The following CLC variants were observed in gnomAD, a reference collection of about 807,000 sequenced individuals.
CLC encodes Charcot-Leyden crystal galectin, also known as galectin-10.
Under a neutral mutation model 13.9 loss-of-function variants are expected in CLC, and 15 were observed. The ratio of observed to expected loss-of-function variants is 1.08; its 90% confidence interval spans 0.72 to 1.66. CLC has a LOEUF of 1.66. CLC is among the 40% of genes most tolerant of loss of function. The pLI, the probability that CLC is intolerant of heterozygous loss-of-function variation, is 0.00. For missense variants in CLC, 161 were observed against 169.1 expected, an observed-to-expected ratio of 0.95 and a Z score of 0.27; for synonymous variants, 68 against 59.9, an observed-to-expected ratio of 1.14 and a Z score of -0.63.
In CLC at chr19:39,735,154, C is replaced by T. The variant is rs573979459; in HGVS notation, c.16-81G>A. The T allele has an allele frequency of 5.3e-6, 5 of 951,362 alleles. No homozygotes were observed. The South Asian group carries it at 5.3e-5, about 10-fold the overall frequency. The allele number at this position is 951,362 out of a possible 1,614,324, so 58.9% of individuals were successfully genotyped here. ...CTGTAACAGATTCCCATGGTGCAGC[C>T]AGTTAGAGATCAAGCAGTAGACTCA... is the stretch of plus-strand genomic sequence containing the variant. On this transcript the variant is annotated intron_variant, in intron 1 of 3. Coordinates refer to ENST00000221804, the MANE Select transcript of CLC (RefSeq NM_001828.6).
In CLC at chr19:39,731,358, T is replaced by A. The variant is rs865947616; in HGVS notation, c.*22A>T. ...CCCAAGTTCACGTAGAGACAGGGAT[T>A]CCTTGGCAACATGAAGTCTGGTTAT... On this transcript the variant is annotated 3_prime_UTR_variant, in exon 4 of 4. Transcript: ENST00000221804. 6.2e-7 allele frequency: 1 copy of A among 1,611,830 alleles called. No homozygotes were observed. Among genetic ancestry groups the A allele is most frequent in the Non-Finnish European group, 8.5e-7 (1 of 1,178,978 alleles).
intron 3 of CLC, among the ~76,000 whole-genome samples, chr19:39,732,747 GT>G (rs2144915843): frequency 6.6e-6 from 1 of 151,462 alleles, no homozygotes; most frequent in African/African-American, 2.4e-5. Context: ...AGCACCTGTT[GT>G]TTCCTGACTT....
chr19:39,734,194 G>GTTATCT (rs1967271533), intron 3 of CLC, 89 bp downstream of exon 3: 111 of 1,439,300 alleles, frequency 7.7e-5, no homozygotes, highest in Admixed American at 1.5e-4. Context: ...CGGGGACAGA[G>GTTATCT]GGAGTTATCT....
At chr19:39,734,945 A>G in intron 2 of CLC, 52 bp downstream of exon 2, 1 of 1,388,988 alleles carries the variant, frequency 7.2e-7, no homozygotes, top group Non-Finnish European at 1.0e-6. Context: ...ACCCCCTTAG[A>G]AAATATTCTT....
intron 3 of CLC, among the ~76,000 whole-genome samples, chr19:39,732,772 A>T (rs995725220): frequency 4.0e-5 from 6 of 151,822 alleles, no homozygotes; most frequent in African/African-American, 1.5e-4. Context: ...AATGATTGCC[A>T]TTCTAACTGG....
chr19:39,737,116 A>G (rs1322361771), intron 1 of CLC, among the ~76,000 whole-genome samples: 1 of 151,810 alleles, frequency 6.6e-6, no homozygotes. Flanking sequence ...CCTGGCACTC[A>G]ATGGGAAGGC....
chr19:39,737,865 C>T, intron 1 of CLC, 73 bp downstream of exon 1: 2 of 1,460,582 alleles, frequency 1.4e-6, no homozygotes, highest in Non-Finnish European at 9.5e-7. Flanking sequence ...TTCATATTTT[C>T]ATCCCATAAA....
Position 39,735,065 on chromosome 19 carries a change from G to A in CLC, c.24C>T (p.Tyr8=), listed in dbSNP as rs756186817. MSLLPVP[Y]TEAASLSTGS... ...CAGTAGACAAAGAGGCAGCCTCTGT[G>A]TATGGCACCTGCCAGGGGATTGAGA... The change falls in exon 2 of 4, where the codon TAC becomes TAT. Residue 8 remains tyrosine, a synonymous_variant. Coordinates refer to ENST00000221804, the MANE Select transcript of CLC (RefSeq NM_001828.6). The A allele has an allele frequency of 1.2e-6, 2 of 1,613,670 alleles. No homozygotes were observed. Among genetic ancestry groups the A allele is most frequent in the South Asian group, 2.2e-5 (2 of 91,072 alleles).
In CLC at chr19:39,738,027, A is replaced by G. The variant is rs1967340648; in HGVS notation, c.-75T>C. On this transcript the variant is annotated 5_prime_UTR_variant, in exon 1 of 4. Coordinates refer to ENST00000221804, the MANE Select transcript of CLC (RefSeq NM_001828.6). Reference sequence around the variant, plus strand: ...TGAATCTCTGAGCTGCAGAATTTAAATGGCCCCTATCAGCCCTGCCTCTGG... The same window carrying G: ...TGAATCTCTGAGCTGCAGAATTTAAGTGGCCCCTATCAGCCCTGCCTCTGG... 2 of 1,480,242 alleles carry G rather than the reference A, an allele frequency of 1.4e-6. No individual in the cohort carries two copies. Among genetic ancestry groups the G allele is most frequent in the Non-Finnish European group, 1.9e-6 (2 of 1,066,668 alleles). The allele number at this position is 1,480,242 out of a possible 1,614,324, so 91.7% of individuals were successfully genotyped here.
chr19:39,732,500 G>A (rs1220696328), intron 3 of CLC, among the ~76,000 whole-genome samples: 1 of 82,748 alleles, frequency 1.2e-5, no homozygotes. Context: ...CATTTGGGTT[G>A]GTTCCAAGTC....
At position 39,734,334 on chromosome 19, in the gene CLC, C is replaced by T. The variant is rs1272636946; in HGVS notation, c.252G>A (p.Gln84=). The part of the protein sequence containing the change: ...QQVESKNMPF[Q]DGQEFELSIS... The stretch of plus-strand genomic sequence containing the variant: ...TGCTCAGTTCAAATTCTTGGCCATC[C>T]TGAAAGGGCATATTCTTGGATTCCA... The change falls in exon 3 of 4, where the codon CAG becomes CAA. Residue 84 remains glutamine, a synonymous_variant. Coordinates refer to ENST00000221804, the MANE Select transcript of CLC (RefSeq NM_001828.6). 1.9e-6 allele frequency: 3 copies of T among 1,613,970 alleles called. No homozygotes were observed. Among genetic ancestry groups the T allele is most frequent in the Non-Finnish European group, 2.5e-6 (3 of 1,179,988 alleles).
chr19:39,734,911 T>A (rs1967285992), intron 2 of CLC, 86 bp downstream of exon 2: 5 of 1,062,922 alleles, frequency 4.7e-6, no homozygotes, highest in Non-Finnish European at 7.2e-6. Flanking sequence ...AACTAGACTT[T>A]CCACATGATT....
chr19:39,731,628 C>T, intron 3 of CLC, 123 bp from the exon 4 acceptor site: 1 of 943,558 alleles, frequency 1.1e-6, no homozygotes, highest in Non-Finnish European at 1.6e-6. Flanking sequence ...TATATCTGAA[C>T]CCAGTAGACA....
At position 39,734,382 on chromosome 19, in the gene CLC, C is replaced by G. The variant is rs572767392; in HGVS notation, c.204G>C (p.Glu68Asp). Residue 68 changes from glutamate (E) to aspartate (D), a missense_variant, in exon 3 of 4, where the codon GAG becomes GAC. Glu to Asp is a conservative substitution (Grantham distance 45). Transcript: ENST00000221804. Reference sequence around the variant, plus strand: ...CCACCTGCTGCTTCCAGGCCCCATACTCACGGCTGTTCATGACCACACGAC... The same window carrying G: ...CCACCTGCTGCTTCCAGGCCCCATAGTCACGGCTGTTCATGACCACACGAC... The part of the protein sequence containing the change: ...FGRRVVMNSR[E>D]YGAWKQQVES... 3.7e-6 allele frequency: 6 copies of G among 1,614,002 alleles called. No individual in the cohort carries two copies. In the Admixed American group the frequency reaches 1.0e-4, roughly 27 times the overall value.
chr19:39,736,496 T>C (rs444844), intron 1 of CLC, among the ~76,000 whole-genome samples: 142,206 of 152,246 alleles, frequency 0.93, 66,504 homozygotes, highest in East Asian at 1. Context: ...CACTGCAGGC[T>C]GGGCGTGGTG....
chr19:39,732,048 AT>A (rs71171517), intron 3 of CLC, among the ~76,000 whole-genome samples: 3 of 150,682 alleles, frequency 2.0e-5, no homozygotes, highest in East Asian at 1.9e-4. Context: ...ATCTTTATTT[AT>A]TTTTTTATGG....
At position 39,735,004 on chromosome 19, in the gene CLC, A is replaced by C. The variant is rs1436490894; in HGVS notation, c.85T>G (p.Cys29Gly). 1 of 1,611,716 alleles carries C rather than the reference A, an allele frequency of 6.2e-7. No individual in the cohort carries two copies. Among genetic ancestry groups the C allele is most frequent in the Admixed American group, 1.7e-5 (1 of 60,006 alleles). The stretch of plus-strand genomic sequence containing the variant: ...GCACCATGGAGTACTCACAAGAAAC[A>C]GGCAAGTGGTCGCCCTTTGATTGTC... Reference protein sequence around the residue: ...TVTIKGRPLACFLNEPYLQVD... With the variant: ...TVTIKGRPLAGFLNEPYLQVD... The change falls in exon 2 of 4, where the codon TGT becomes GGT. Residue 29 changes from cysteine to glycine, a missense_variant. Coordinates refer to ENST00000221804, the MANE Select transcript of CLC (RefSeq NM_001828.6).
intron 1 of CLC, among the ~76,000 whole-genome samples, chr19:39,736,235 G>C (rs1460436558): frequency 2.6e-5 from 4 of 151,480 alleles, no homozygotes; most frequent in Non-Finnish European, 1.5e-5. Flanking sequence ...TTGAAAGAGA[G>C]AGGGAAACGA....
At chr19:39,734,259 G>A in intron 3 of CLC, 24 bp downstream of exon 3, 1 of 1,607,032 alleles carries the variant, frequency 6.2e-7, no homozygotes, top group Non-Finnish European at 8.5e-7. Flanking sequence ...GAAGCCGGGT[G>A]CGGGGAGCTC....
Sources: gnomAD v4.1 joint callset for allele counts (sites outside exome capture counted in the v4.1 genomes callset) on GRCh38, gnomAD v4.1.1 for gene constraint, MANE v1.5 for transcripts, NCBI Gene and HGNC (gene_info 2026-07-23, HGNC 2026-07-21) for gene names.